Variants in XIRP2 observed in about 807,000 individuals in gnomAD.
XIRP2 encodes the protein xin actin-binding repeat-containing protein 2.
Under a neutral mutation model 277.0 loss-of-function variants are expected in XIRP2, and 236 were observed. The ratio of observed to expected loss-of-function variants is 0.85; its 90% CI spans 0.77 to 0.95. XIRP2 has a LOEUF of 0.95. Among genes scored for constraint, XIRP2 ranks in the 40% least tolerant of loss-of-function variants. XIRP2 has a pLI of 0.00. For missense variants in XIRP2, 4,640 were observed against 4,157.5 expected, an observed-to-expected ratio of 1.12 and a Z score of -3.19; for synonymous variants, 1,490 against 1,416.5, an observed-to-expected ratio of 1.05 and a Z score of -1.17.
chr2:167,111,601 A>C (rs1690756549), intron 2 of XIRP2, among the ~76,000 whole-genome samples: 1 of 151,970 alleles, frequency 6.6e-6, no homozygotes, highest in Non-Finnish European at 1.5e-5. Context: ...TTTTACATCT[A>C]TGTTCATCAA....
intron 2 of XIRP2, among the ~76,000 whole-genome samples, chr2:166,930,883 G>A (rs1040291387): frequency 7.2e-5 from 11 of 152,134 alleles, no homozygotes; most frequent in Non-Finnish European, 1.5e-4. Context: ...GTAGTTAGCT[G>A]TGTTACTTTG....
At chr2:167,172,002 G>C (rs73023920) in intron 3 of XIRP2, among the ~76,000 whole-genome samples, 1 of 152,076 alleles carries the variant, frequency 6.6e-6, no homozygotes, top group East Asian at 1.9e-4. Flanking sequence ...CATGCGATGC[G>C]TAGTAATCAC....
intron 2 of XIRP2, among the ~76,000 whole-genome samples, chr2:166,914,200 G>A (rs902972103): frequency 6.6e-6 from 1 of 152,168 alleles, no homozygotes; most frequent in Non-Finnish European, 1.5e-5. Flanking sequence ...CCAGAAAATT[G>A]ATGCAGCCCT....
intron 10 of XIRP2, among the ~76,000 whole-genome samples, chr2:167,255,295 A>G (rs193055252): frequency 1.4e-4 from 22 of 151,886 alleles, no homozygotes; most frequent in East Asian, 9.7e-4. Context: ...TACTTCTCCA[A>G]TTAGATTTCT....
intron 2 of XIRP2, among the ~76,000 whole-genome samples, chr2:166,973,916 C>T (rs983909207): frequency 6.6e-5 from 10 of 152,070 alleles, no homozygotes; most frequent in Admixed American, 2.0e-4. Flanking sequence ...ATAGAGAAGT[C>T]GCACAATGTT....
At chr2:167,203,764 G>T (rs1299777078) in intron 3 of XIRP2, among the ~76,000 whole-genome samples, 1 of 152,090 alleles carries the variant, frequency 6.6e-6, no homozygotes, top group Non-Finnish European at 1.5e-5. Flanking sequence ...ATGCTTAAAA[G>T]AGATGAATTT....
intron 2 of XIRP2, among the ~76,000 whole-genome samples, chr2:167,114,204 A>G (rs1371027018): frequency 6.6e-6 from 1 of 152,126 alleles, no homozygotes. Context: ...TTTCATTGTT[A>G]ATATCCTGAG....
chr2:167,187,397 T>A (rs1328828308), intron 3 of XIRP2: 10 of 985,234 alleles, frequency 1.0e-5, no homozygotes, highest in Non-Finnish European at 1.2e-5. Context: ...GGAGCGGGCC[T>A]CCACTGCACC....
At chr2:167,013,302 T>G (rs1249480704) in intron 2 of XIRP2, among the ~76,000 whole-genome samples, 1 of 151,604 alleles carries the variant, frequency 6.6e-6, no homozygotes, top group Admixed American at 6.6e-5. Context: ...CTTCTAAAAT[T>G]ATGGTATATT....
chr2:167,085,460 T>C (rs1179529697), intron 2 of XIRP2, among the ~76,000 whole-genome samples: 5 of 151,448 alleles, frequency 3.3e-5, no homozygotes, highest in African/African-American at 4.8e-5. Flanking sequence ...CTATTAGGTC[T>C]GCTTGGTGCA....
chr2:167,022,799 A>G (rs933847084), intron 2 of XIRP2, among the ~76,000 whole-genome samples: 2 of 152,130 alleles, frequency 1.3e-5, no homozygotes, highest in Non-Finnish European at 2.9e-5. Flanking sequence ...TTATGGCTGC[A>G]TAGTATTCTA....
chr2:167,230,717 G>A (rs943501674), intron 5 of XIRP2, among the ~76,000 whole-genome samples: 6 of 151,996 alleles, frequency 3.9e-5, no homozygotes, highest in South Asian at 4.1e-4. Flanking sequence ...ATGCTAGCAC[G>A]GAAGAGCCGT....
In XIRP2 at chr2:167,248,252, G is replaced by GCC. The variant is rs1387375975; in HGVS notation, c.6864_6865dup (p.Leu2289ProfsTer29). ...GAGAATAATGTAAAAGAAAGTGAGT[G>GCC]CCCCCTTCCACCTCCATCTCCACCT... On this transcript the variant is annotated frameshift_variant, in exon 9 of 11. Transcript: ENST00000409195. LOFTEE classifies it high-confidence loss of function. 2 of 1,611,598 alleles carry GCC rather than the reference G, an allele frequency of 1.2e-6. No individual in the cohort carries two copies. Among genetic ancestry groups the GCC allele is most frequent in the Non-Finnish European group, 1.7e-6 (2 of 1,179,114 alleles).
At chr2:167,022,467 A>G (rs1487614831) in intron 2 of XIRP2, among the ~76,000 whole-genome samples, 3 of 152,128 alleles carry the variant, frequency 2.0e-5, no homozygotes, top group Non-Finnish European at 4.4e-5. Context: ...TTATTATTAT[A>G]CTTTAAGTTT....
rs200038241 is a variant in XIRP2 at position 167,249,634 on chromosome 2, T to A, written c.8242T>A (p.Tyr2748Asn). The A allele has an allele frequency of 1.1e-4, 177 of 1,613,286 alleles. No homozygotes were observed. Among genetic ancestry groups the A allele is most frequent in the Middle Eastern group, 1.6e-4 (1 of 6,078 alleles). The change falls in exon 9 of 11, where the codon TAT becomes AAT. Residue 2748 changes from tyrosine (Y) to asparagine (N), a missense_variant. Tyr to Asn is a moderately radical substitution (Grantham distance 143). Coordinates refer to ENST00000409195, the MANE Select transcript of XIRP2 (RefSeq NM_152381.6). ...TGTTCAAACCTTTACCAAAAAACAA[T>A]ATCTGAAAACCAAGAAAACTGAAGC... ...IDVQTFTKKQ[Y>N]LKTKKTEAST...
chr2:166,965,264 T>C (rs2105412782), intron 2 of XIRP2, among the ~76,000 whole-genome samples: 1 of 152,016 alleles, frequency 6.6e-6, no homozygotes, highest in South Asian at 2.1e-4. Context: ...CTACCAGAAC[T>C]CAGCTCCCAA....
At chr2:167,183,507 T>G (rs1051744159) in intron 3 of XIRP2, among the ~76,000 whole-genome samples, 6 of 152,330 alleles carry the variant, frequency 3.9e-5, no homozygotes, top group Admixed American at 3.3e-4. Flanking sequence ...GTTTTGTATT[T>G]TGCTATTTAC....
chr2:167,259,135 T>C lies in XIRP2; in HGVS notation c.*1318T>C. The C allele has an allele frequency of 6.2e-7, 1 of 1,612,644 alleles. No homozygotes were observed. Among genetic ancestry groups the C allele is most frequent in the Non-Finnish European group, 8.5e-7 (1 of 1,179,270 alleles). ...ATTGTGATTTAATAGATTCTGTAGA[T>C]CAAATTAAAAATATGCCATGCTTGG... On this transcript the variant is annotated 3_prime_UTR_variant, in exon 11 of 11. Transcript: ENST00000409195.
intron 3 of XIRP2, among the ~76,000 whole-genome samples, chr2:167,142,195 G>T (rs550676422): frequency 1.3e-5 from 2 of 152,142 alleles, no homozygotes; most frequent in African/African-American, 2.4e-5. Context: ...AGGTAGAACC[G>T]CAGGGCTGAC....
Sources: allele counts gnomAD v4.1 joint callset (sites outside exome capture counted in the v4.1 genomes callset), GRCh38; gene constraint gnomAD v4.1.1; transcripts MANE v1.5; gene names NCBI Gene and HGNC (gene_info 2026-07-23, HGNC 2026-07-21).